GRAMD4: variants seen among roughly 807,000 people sequenced by gnomAD.
The protein encoded by GRAMD4 is GRAM domain containing 4.
Under a neutral mutation model 83.9 loss-of-function variants are expected in GRAMD4, and 25 were observed. That is an observed-to-expected ratio of 0.30 (90% CI 0.22 to 0.42). The LOEUF (loss-of-function observed/expected upper bound fraction) is 0.42, where lower values mean the gene tolerates loss of function less well. GRAMD4 is among the 10% of genes least tolerant of loss of function. GRAMD4 has a pLI of 1.00. For missense variants in GRAMD4, 593 were observed against 788.7 expected (o/e 0.75, Z 2.97); for synonymous variants, 336 against 320.9 (o/e 1.05, Z -0.50).
chr22:46,627,704 T>C (rs1258395099), intron 2 of GRAMD4, among the ~76,000 whole-genome samples: 2 of 152,224 alleles, frequency 1.3e-5, no homozygotes, highest in African/African-American at 4.8e-5. Flanking sequence ...AGCCAGGTCT[T>C]CTTTCCAGGT....
At chr22:46,588,731 C>CG in intron 1 of GRAMD4, among the ~76,000 whole-genome samples, 1 of 152,090 alleles carries the variant, frequency 6.6e-6, no homozygotes, top group Non-Finnish European at 1.5e-5. Context: ...CCTCTCCATC[C>CG]CCGGGGTCCT....
At chr22:46,614,213 C>T (rs1284639832) in intron 1 of GRAMD4, among the ~76,000 whole-genome samples, 3 of 152,310 alleles carry the variant, frequency 2.0e-5, no homozygotes, top group East Asian at 1.9e-4. Flanking sequence ...GGGCCTGCCG[C>T]GCGTGGCAGA....
chr22:46,584,639 G>A (rs7284396), intron 1 of GRAMD4, among the ~76,000 whole-genome samples: 2 of 152,080 alleles, frequency 1.3e-5, no homozygotes, highest in South Asian at 2.1e-4. Flanking sequence ...CCTTGGCTTC[G>A]AGCCCGGGCT....
At chr22:46,633,567 C>T (rs773290989) in intron 2 of GRAMD4, among the ~76,000 whole-genome samples, 29 of 152,324 alleles carry the variant, frequency 1.9e-4, no homozygotes, top group Admixed American at 4.6e-4. Flanking sequence ...GGGCTCTGGC[C>T]GGCCCTGCTT....
rs544021863 is a variant in GRAMD4, at chr22:46,653,619, C to T, written c.284-4568C>T. On this transcript the variant is annotated intron_variant, in intron 3 of 18. Transcript: ENST00000406902. Reference sequence around the variant, plus strand: ...GGAACCTGGCTGGCTGCTGCCCTTTCACAGCTTAGTGACTCCAGGAAGGGG... The same window carrying T: ...GGAACCTGGCTGGCTGCTGCCCTTTTACAGCTTAGTGACTCCAGGAAGGGG... Among the ~76,000 whole-genome samples the T allele has an allele frequency of 2.0e-5, 3 of 152,326 alleles. No homozygotes were observed. In the East Asian group the frequency reaches 5.8e-4, roughly 29 times the overall value.
intron 3 of GRAMD4, among the ~76,000 whole-genome samples, chr22:46,641,524 G>A (rs539245713): frequency 1.3e-5 from 2 of 151,996 alleles, no homozygotes; most frequent in Non-Finnish European, 2.9e-5. Flanking sequence ...GTCTCTCTCC[G>A]GTCTTGACCC....
intron 2 of GRAMD4, among the ~76,000 whole-genome samples, chr22:46,635,750 C>T (rs2081873494): frequency 1.1e-5 from 1 of 88,748 alleles, no homozygotes; most frequent in Non-Finnish European, 2.7e-5. Context: ...TCCCTGCCCC[C>T]CGCCCCTGGC....
chr22:46,611,480 C>T (rs562358688), intron 1 of GRAMD4, among the ~76,000 whole-genome samples: 189 of 152,172 alleles, frequency 1.2e-3, no homozygotes, highest in African/African-American at 4.5e-3. Flanking sequence ...CCTGCCTTCC[C>T]GAACCTCAGT....
intron 9 of GRAMD4, 42 bp from the exon 10 acceptor site, chr22:46,666,783 G>A: frequency 6.4e-7 from 1 of 1,563,730 alleles, no homozygotes; most frequent in Non-Finnish European, 8.8e-7. Flanking sequence ...CCCTGACTCA[G>A]GTGGCGCTGT....
rs767334844 is a variant in GRAMD4 at position 46,672,984 on chromosome 22, C to T, written c.1226C>T (p.Ala409Val). ...DPQLKERSSA[A>V]VSRRLQTTSS... ...CAGCTCAAGGAGCGCTCCAGCGCCG[C>T]AGTCTCACGCAGGGTGAGCCCGGCC... Residue 409 changes from alanine (A) to valine (V), a missense_variant, in exon 14 of 19, where the codon GCA becomes GTA. Transcript: ENST00000406902. This position sits in a 1 kb window ranked among gnomAD's most constrained non-coding sequence, Gnocchi z 4.7. 35 of 1,600,190 alleles carry T rather than the reference C, an allele frequency of 2.2e-5. No homozygotes were observed. The South Asian group carries it at 3.1e-4, about 14-fold the overall frequency.
intron 1 of GRAMD4, among the ~76,000 whole-genome samples, chr22:46,611,367 G>A (rs1187340971): frequency 1.3e-5 from 2 of 152,112 alleles, no homozygotes; most frequent in African/African-American, 4.8e-5. Context: ...GTGGGGTGAC[G>A]GGTGCTAAGC....
At chr22:46,653,131 T>C (rs2082191547) in intron 3 of GRAMD4, among the ~76,000 whole-genome samples, 1 of 152,186 alleles carries the variant, frequency 6.6e-6, no homozygotes, top group African/African-American at 2.4e-5. Flanking sequence ...GGAACGACAC[T>C]GGGCAAAGGT....
At chr22:46,590,015 C>T (rs1438990750) in intron 1 of GRAMD4, among the ~76,000 whole-genome samples, 1 of 152,226 alleles carries the variant, frequency 6.6e-6, no homozygotes, top group Non-Finnish European at 1.5e-5. Flanking sequence ...CCTGTAACTC[C>T]CACGGCAGTC....
intron 8 of GRAMD4, among the ~76,000 whole-genome samples, chr22:46,664,868 G>A (rs958085474): frequency 9.2e-5 from 14 of 152,256 alleles, no homozygotes; most frequent in South Asian, 8.3e-4. Context: ...GATGACCTCA[G>A]CCTGGGTCAG....
At chr22:46,580,736 G>A (rs1259049833) in intron 1 of GRAMD4, among the ~76,000 whole-genome samples, 10 of 152,142 alleles carry the variant, frequency 6.6e-5, no homozygotes, top group African/African-American at 1.2e-4. Context: ...AGGCCGAGGC[G>A]GGCAGATCAC....
intron 2 of GRAMD4, among the ~76,000 whole-genome samples, chr22:46,636,253 G>A (rs1362493783): frequency 6.6e-6 from 1 of 152,212 alleles, no homozygotes; most frequent in African/African-American, 2.4e-5. Flanking sequence ...CCAGCACCTG[G>A]GCTCCGCTGG....
At chr22:46,675,834 C>T (rs1180301940) in intron 17 of GRAMD4, among the ~76,000 whole-genome samples, 1 of 152,196 alleles carries the variant, frequency 6.6e-6, no homozygotes, top group African/African-American at 2.4e-5. Flanking sequence ...TGCTGTGTTC[C>T]CCTCGTATCT....
At chr22:46,576,346 C>G (rs1340929041), upstream of GRAMD4, among the ~76,000 whole-genome samples, 1 of 152,172 alleles carries the variant, frequency 6.6e-6, no homozygotes, top group Non-Finnish European at 1.5e-5. Flanking sequence ...TGAGCAGTCT[C>G]CTGTGAGCTA....
chr22:46,677,134 T>C lies in GRAMD4; in HGVS notation c.1633-13T>C. 6.2e-7 allele frequency: 1 copy of C among 1,612,218 alleles called. No individual in the cohort carries two copies. Among genetic ancestry groups the C allele is most frequent in the Non-Finnish European group, 8.5e-7 (1 of 1,179,524 alleles). On this transcript the variant is annotated splice_polypyrimidine_tract_variant and intron_variant, in intron 18 of 18. Transcript: ENST00000406902. The stretch of plus-strand genomic sequence containing the variant: ...CTGTGCCATGCTCACTGGTGGCATT[T>C]CTTCCCTGCCAGCCGCTCGTGTTTG...
Sources: allele counts gnomAD v4.1 joint callset (sites outside exome capture counted in the v4.1 genomes callset), GRCh38; gene constraint gnomAD v4.1.1; non-coding constraint Gnocchi (gnomAD v3.1); transcripts MANE v1.5; gene names NCBI Gene and HGNC (gene_info 2026-07-23, HGNC 2026-07-21).